VTI1A: variants seen among roughly 807,000 people sequenced by gnomAD.
VTI1A encodes the protein vesicle transport through interaction with t-SNAREs 1A, also known as vesicle transport through interaction with t-SNAREs homolog 1A.
VTI1A carries 22 observed loss-of-function variants against 34.9 expected under a neutral mutation model. The observed-to-expected ratio is 0.63, with a 90% CI of 0.45 to 0.90. The LOEUF is 0.90. Ranked by LOEUF, VTI1A falls within the 40% of genes least tolerant of loss-of-function variation. The pLI, the probability that VTI1A is intolerant of heterozygous loss-of-function variation, is 0.00. For missense variants in VTI1A, 268 were observed against 275.6 expected, an observed-to-expected ratio of 0.97 and a Z score of 0.20; for synonymous variants, 87 against 97.3, an observed-to-expected ratio of 0.89 and a Z score of 0.62.
downstream of VTI1A, among the ~76,000 whole-genome samples, chr10:112,821,669 C>T (rs1345270683): frequency 6.6e-6 from 1 of 152,184 alleles, no homozygotes; most frequent in Non-Finnish European, 1.5e-5. Context: ...CGTTACTCTC[C>T]CCTGTCTCAT....
chr10:112,587,497 C>G (rs1589940278), intron 5 of VTI1A, among the ~76,000 whole-genome samples: 1 of 152,064 alleles, frequency 6.6e-6, no homozygotes, highest in East Asian at 1.9e-4. Flanking sequence ...ATTAATGAAG[C>G]AAAAAGGAGA....
chr10:112,470,308 G>C (rs1435846905), intron 3 of VTI1A, among the ~76,000 whole-genome samples: 2 of 152,156 alleles, frequency 1.3e-5, no homozygotes, highest in Non-Finnish European at 2.9e-5. Flanking sequence ...AAAATGAATT[G>C]ACACTGGACA....
intron 3 of VTI1A, among the ~76,000 whole-genome samples, chr10:112,503,814 A>G (rs1589837941): frequency 1.3e-5 from 2 of 152,242 alleles, no homozygotes; most frequent in African/African-American, 2.4e-5. Context: ...ATTTCACCCA[A>G]TGCATATATG....
chr10:112,798,268 A>T (rs1374311232), intron 7 of VTI1A, among the ~76,000 whole-genome samples: 1 of 152,218 alleles, frequency 6.6e-6, no homozygotes, highest in African/African-American at 2.4e-5. Flanking sequence ...TCCTCAGCCA[A>T]CACTGTCTCT....
chr10:112,653,554 T>C (rs1165585294), intron 5 of VTI1A, among the ~76,000 whole-genome samples: 2 of 152,202 alleles, frequency 1.3e-5, no homozygotes, highest in Non-Finnish European at 2.9e-5. Flanking sequence ...ACTTAACTTC[T>C]CTGAGCCTCA....
At chr10:112,545,835 G>A (rs959944533) in intron 5 of VTI1A, among the ~76,000 whole-genome samples, 8 of 151,914 alleles carry the variant, frequency 5.3e-5, no homozygotes, top group African/African-American at 1.5e-4. Context: ...GTGTGCGCAC[G>A]CGTGCGCGTG....
chr10:112,848,185 C>T, the VTI1A span, among the ~76,000 whole-genome samples: 1 of 152,214 alleles, frequency 6.6e-6, no homozygotes, highest in African/African-American at 2.4e-5. Context: ...CCAATCCCCT[C>T]CTTGTCAGTT....
chr10:112,570,306 C>T (rs1049680149), intron 5 of VTI1A, among the ~76,000 whole-genome samples: 7 of 151,826 alleles, frequency 4.6e-5, no homozygotes, highest in African/African-American at 7.3e-5. Flanking sequence ...AAGTCATTTT[C>T]CCTGCTTCCT....
At chr10:112,496,855 CTT>C (rs1849043367) in intron 3 of VTI1A, among the ~76,000 whole-genome samples, 1 of 152,102 alleles carries the variant, frequency 6.6e-6, no homozygotes, top group African/African-American at 2.4e-5. Context: ...TTTTATACCT[CTT>C]TTCTTTCTAA....
At chr10:112,777,578 T>A (rs1444605600) in intron 7 of VTI1A, among the ~76,000 whole-genome samples, 1 of 152,246 alleles carries the variant, frequency 6.6e-6, no homozygotes, top group South Asian at 2.1e-4. Flanking sequence ...ATGTAAGACC[T>A]GCCTGGTAGA....
At chr10:112,809,140 T>C (rs544294727) in intron 7 of VTI1A, among the ~76,000 whole-genome samples, 1 of 152,268 alleles carries the variant, frequency 6.6e-6, no homozygotes, top group African/African-American at 2.4e-5. Context: ...ATGCAGGACA[T>C]AGAAGACCCA....
chr10:112,482,343 T>G (rs750560532), intron 3 of VTI1A, among the ~76,000 whole-genome samples: 11 of 152,210 alleles, frequency 7.2e-5, no homozygotes, highest in Non-Finnish European at 1.2e-4. Flanking sequence ...CAAATTGTTG[T>G]ACCCTCAGGT....
chr10:112,809,207 T>C (rs1410664300), intron 7 of VTI1A, among the ~76,000 whole-genome samples: 1 of 152,258 alleles, frequency 6.6e-6, no homozygotes, highest in Non-Finnish European at 1.5e-5. Flanking sequence ...GAGGCAAACA[T>C]GTCCCCAGCT....
downstream of VTI1A, among the ~76,000 whole-genome samples, chr10:112,822,482 C>G (rs1041985165): frequency 1.3e-5 from 2 of 152,176 alleles, no homozygotes; most frequent in Non-Finnish European, 2.9e-5. Flanking sequence ...TCTGGCCCTC[C>G]TGAGGCTGAA....
chr10:112,537,336 T>TATATATATATAC (rs1395190311), intron 4 of VTI1A, among the ~76,000 whole-genome samples: 1 of 140,180 alleles, frequency 7.1e-6, no homozygotes, highest in Non-Finnish European at 1.6e-5. Context: ...TATATATATA[T>TATATATATATAC]ATCTGTATCA....
rs527705088 is a variant in VTI1A, at chr10:112,603,581, T to C, written c.428-64637T>C. Among the ~76,000 whole-genome samples, 8 of 152,306 alleles carry C rather than the reference T, an allele frequency of 5.3e-5. No individual in the cohort carries two copies. The East Asian group carries it at 1.5e-3, about 29-fold the overall frequency. ...TTTCCCTCATAGGAACTAAATACTG[T>C]TTTACTTCAAACTGAGTGCTTCACA... On this transcript the variant is annotated intron_variant, in intron 5 of 7. Transcript: ENST00000393077.
In VTI1A at chr10:112,817,123, A is replaced by G. The variant is rs923363629; in HGVS notation, c.*1740A>G. ...TACGTGCTGACCACATCTAAGAACC[A>G]TTAAAAAGCAAGGAAACAAACAAAC... On this transcript the variant is annotated 3_prime_UTR_variant, in exon 8 of 8. Coordinates refer to ENST00000393077, the MANE Select transcript of VTI1A (RefSeq NM_145206.4). 8.6e-6 allele frequency: 2 copies of G among 232,680 alleles called. No individual in the cohort carries two copies. Among genetic ancestry groups the G allele is most frequent in the African/African-American group, 4.4e-5 (2 of 45,338 alleles). 14.4% of individuals were successfully genotyped at this position (232,680 alleles called of 1,614,324 possible). A position where few individuals can be genotyped will look rare whatever the true frequency, so the allele number is the denominator to read the frequency against.
At chr10:112,786,274 A>G (rs559506442) in intron 7 of VTI1A, among the ~76,000 whole-genome samples, 1 of 152,304 alleles carries the variant, frequency 6.6e-6, no homozygotes, top group African/African-American at 2.4e-5. Context: ...AATACACTTG[A>G]TTTTTGTATA....
intron 5 of VTI1A, among the ~76,000 whole-genome samples, chr10:112,665,380 T>C (rs1470337150): frequency 6.6e-6 from 1 of 152,078 alleles, no homozygotes; most frequent in African/African-American, 2.4e-5. Flanking sequence ...TTGTGATATA[T>C]TTGGCCTGAA....
Sources: gnomAD v4.1 joint callset for allele counts (sites outside exome capture counted in the v4.1 genomes callset) on GRCh38, gnomAD v4.1.1 for gene constraint, MANE v1.5 for transcripts, NCBI Gene and HGNC (gene_info 2026-07-23, HGNC 2026-07-21) for gene names.